Variants in TTLL9 observed in about 807,000 individuals in gnomAD.
TTLL9 encodes the protein probable tubulin polyglutamylase TTLL9.
A neutral mutation model predicts 65.6 loss-of-function variants in TTLL9; 47 were observed. The ratio of observed to expected loss-of-function variants is 0.72; its 90% CI spans 0.57 to 0.91. The LOEUF (loss-of-function observed/expected upper bound fraction) is 0.91. Among genes scored for constraint, TTLL9 ranks in the 40% least tolerant of loss-of-function variants. The probability of loss-of-function intolerance (pLI) is 0.00; values close to 1 mark genes in which losing one functional copy is unlikely to be tolerated. For missense variants in TTLL9, 537 were observed against 568.8 expected (o/e 0.94, Z 0.57); for synonymous variants, 179 against 204.8 (o/e 0.87, Z 1.07).
At chr20:31,879,746 C>G in intron 2 of TTLL9, 1 of 1,451,334 alleles carries the variant, frequency 6.9e-7, no homozygotes, top group Non-Finnish European at 9.3e-7. Flanking sequence ...AGCCTGCGCA[C>G]TCCGCCGAGA....
At chr20:31,898,396 C>A in intron 3 of TTLL9, 77 bp from the exon 4 acceptor site, 3 of 1,295,392 alleles carry the variant, frequency 2.3e-6, no homozygotes, top group Non-Finnish European at 3.3e-6. Flanking sequence ...GACTTCTCTT[C>A]CTCCTTTTTT....
chr20:31,871,767 G>C (rs576999256), intron 2 of TTLL9, among the ~76,000 whole-genome samples: 1 of 152,170 alleles, frequency 6.6e-6, no homozygotes, highest in South Asian at 2.1e-4. Flanking sequence ...CACAGCAGTG[G>C]GTAGAGATTG....
rs138492787 is a variant in TTLL9, at chr20:31,901,910, C to T, written c.206+3345C>T. On this transcript the variant is annotated intron_variant, in intron 4 of 14. Transcript: ENST00000535842. ...TGTTAATCTTCCCCACAAGACTGTG[C>T]GCACCACCTGGCAAGGTATTCTGTT... is the stretch of plus-strand genomic sequence containing the variant. 3.3e-3 allele frequency among the ~76,000 whole-genome samples: 498 copies of T among 152,284 alleles called. 3 individuals carry two copies. The highest frequency in any genetic ancestry group is 0.011 in the African/African-American group (464 of 41,546).
intron 2 of TTLL9, among the ~76,000 whole-genome samples, chr20:31,874,663 GC>G (rs528322959): frequency 0.019 from 2,846 of 152,182 alleles, 83 homozygotes; most frequent in Admixed American, 0.078. Context: ...ACCCACCTTG[GC>G]CCCCCAAAAT....
At chr20:31,887,647 T>C (rs995351109) in intron 3 of TTLL9, among the ~76,000 whole-genome samples, 6 of 152,174 alleles carry the variant, frequency 3.9e-5, no homozygotes, top group African/African-American at 1.4e-4. Flanking sequence ...GCATGTCAGC[T>C]GTGCTCTGAT....
Position 31,908,650 on chromosome 20 carries a change from A to G in TTLL9, c.266A>G (p.His89Arg). 4 of 1,614,000 alleles carry G rather than the reference A, an allele frequency of 2.5e-6. No individual in the cohort carries two copies. Among genetic ancestry groups the G allele is most frequent in the Admixed American group, 1.7e-5 (1 of 60,018 alleles). ...DVSWLRENFD[H>R]TYMDEHVRIS... ...AGCTGGCTCCGGGAGAACTTCGACCACACCTACATGGATGAACATGTGCGG... is the reference window on the plus strand; with the variant it reads ...AGCTGGCTCCGGGAGAACTTCGACCGCACCTACATGGATGAACATGTGCGG... Residue 89 changes from histidine to arginine, a missense_variant, in exon 5 of 15, where the codon CAC becomes CGC. Around this residue, in one of 3 missense-constraint regions of TTLL9, gnomAD observed 320 missense variants for 311.0 expected, o/e 1.03. Transcript: ENST00000535842.
chr20:31,930,106 C>T (rs536341239), intron 10 of TTLL9, among the ~76,000 whole-genome samples: 1 of 152,136 alleles, frequency 6.6e-6, no homozygotes, highest in East Asian at 1.9e-4. Context: ...CCAGCCTGAG[C>T]AACAGAGCAA....
intron 12 of TTLL9, among the ~76,000 whole-genome samples, chr20:31,936,543 C>G (rs985769789): frequency 2.0e-5 from 3 of 152,104 alleles, no homozygotes; most frequent in African/African-American, 7.2e-5. Flanking sequence ...GACTCACATT[C>G]CCACAGGGCG....
chr20:31,881,118 C>T (rs1048066553), intron 2 of TTLL9, among the ~76,000 whole-genome samples: 1 of 152,110 alleles, frequency 6.6e-6, no homozygotes, highest in African/African-American at 2.4e-5. Context: ...CCCGCCTTGG[C>T]CTCTCAAAGT....
At position 31,909,832 on chromosome 20, in the gene TTLL9, C is replaced by T. The variant is rs745370517; in HGVS notation, c.414C>T (p.Phe138=). Reference sequence around the variant, plus strand: ...AGCTGGAGGCAGCCAAGTGTGACTTCTTCCCCAAAACCTTTGAGATGCCTT... The same window carrying T: ...AGCTGGAGGCAGCCAAGTGTGACTTTTTCCCCAAAACCTTTGAGATGCCTT... ...AGKLEAAKCD[F]FPKTFEMPCE... Residue 138 remains phenylalanine, a synonymous_variant, in exon 6 of 15, where the codon TTC becomes TTT. Coordinates refer to ENST00000535842, the MANE Select transcript of TTLL9 (RefSeq NM_001008409.5). The T allele has an allele frequency of 2.5e-6, 4 of 1,614,184 alleles. No homozygotes were observed. Among genetic ancestry groups the T allele is most frequent in the African/African-American group, 2.7e-5 (2 of 75,046 alleles).
chr20:31,930,236 C>T (rs940788329), intron 10 of TTLL9, among the ~76,000 whole-genome samples: 7 of 152,202 alleles, frequency 4.6e-5, no homozygotes, highest in Non-Finnish European at 7.4e-5. Flanking sequence ...ATTTCTGAAA[C>T]GACTGGGCAT....
At chr20:31,939,353 TA>T in intron 14 of TTLL9, 87 bp downstream of exon 14, 1 of 1,493,010 alleles carries the variant, frequency 6.7e-7, no homozygotes, top group Non-Finnish European at 9.0e-7. Context: ...GGATAGTGGT[TA>T]GATTGTTTGA....
chr20:31,902,528 T>C (rs111359291), intron 4 of TTLL9, among the ~76,000 whole-genome samples: 2,687 of 152,172 alleles, frequency 0.018, 75 homozygotes, highest in African/African-American at 0.061. Flanking sequence ...CTTCATTCCC[T>C]TTTATGACTG....
At chr20:31,896,526 TTTG>T (rs960114595) in intron 3 of TTLL9, among the ~76,000 whole-genome samples, 10 of 152,140 alleles carry the variant, frequency 6.6e-5, no homozygotes, top group Admixed American at 5.9e-4. Context: ...CATTGTTTTT[TTTG>T]TTGTTGTTTT....
rs776989270 is a variant in TTLL9 at position 31,931,574 on chromosome 20, C to CA, written c.749-2224dup. 3.6e-4 allele frequency among the ~76,000 whole-genome samples: 55 copies of CA among 152,296 alleles called. No individual in the cohort carries two copies. In the South Asian group the frequency reaches 5.8e-3, roughly 16 times the overall value. The stretch of plus-strand genomic sequence containing the variant: ...TACAGGCGCGGCCACCATGCCTGGC[C>CA]AATACTTGCTATTATCTGTCTTTTT... On this transcript the variant is annotated intron_variant, in intron 10 of 14. Coordinates refer to ENST00000535842, the MANE Select transcript of TTLL9 (RefSeq NM_001008409.5).
intron 2 of TTLL9, chr20:31,879,975 T>C (rs2063089005): frequency 1.2e-6 from 1 of 804,468 alleles, no homozygotes; most frequent in Non-Finnish European, 1.6e-6. Flanking sequence ...TCAAAATCGG[T>C]TGGGGATGGG....
At chr20:31,925,994 CACCT>C in intron 9 of TTLL9, 51 bp from the exon 10 acceptor site, 1 of 1,609,758 alleles carries the variant, frequency 6.2e-7, no homozygotes, top group Non-Finnish European at 8.5e-7. Context: ...ACCCCCGACA[CACCT>C]ACCCCTTCCC....
chr20:31,930,068 C>T (rs1292129608), intron 10 of TTLL9, among the ~76,000 whole-genome samples: 1 of 152,072 alleles, frequency 6.6e-6, no homozygotes, highest in Non-Finnish European at 1.5e-5. Context: ...GTGGAGGTTG[C>T]AGTGAGCCAA....
At chr20:31,933,651 C>T in intron 10 of TTLL9, 149 bp from the exon 11 acceptor site, 1 of 658,652 alleles carries the variant, frequency 1.5e-6, no homozygotes, top group Non-Finnish European at 2.5e-6. Flanking sequence ...GATTTGAATC[C>T]AGGCCCATCT....
Sources: gnomAD v4.1 joint callset for allele counts (sites outside exome capture counted in the v4.1 genomes callset) on GRCh38, gnomAD v4.1.1 for gene constraint, gnomAD v4.1.1 regional missense constraint, MANE v1.5 for transcripts, NCBI Gene and HGNC (gene_info 2026-07-23, HGNC 2026-07-21) for gene names.